PRKCH: variants seen among roughly 807,000 people sequenced by gnomAD.
PRKCH encodes protein kinase C eta type.
In PRKCH, 28 loss-of-function variants were observed where a neutral mutation model predicts 82.5. The observed-to-expected ratio is 0.34, with a 90% CI of 0.25 to 0.47. PRKCH has a LOEUF of 0.47. Ranked by LOEUF, PRKCH falls within the 20% of genes least tolerant of loss-of-function variation. PRKCH has a pLI of 1.00. For missense variants in PRKCH, 705 were observed against 881.8 expected, an observed-to-expected ratio of 0.80 and a Z score of 2.54; for synonymous variants, 322 against 327.4, an observed-to-expected ratio of 0.98 and a Z score of 0.18.
chr14:61,322,087 G>C lies in PRKCH; in HGVS notation c.-15G>C. 1 of 1,530,430 alleles carries C rather than the reference G, an allele frequency of 6.5e-7. No homozygotes were observed. 94.8% of individuals were successfully genotyped at this position (1,530,430 alleles called of 1,614,324 possible). On this transcript the variant is annotated 5_prime_UTR_variant, in exon 1 of 14. Coordinates refer to ENST00000332981, the MANE Select transcript of PRKCH (RefSeq NM_006255.5). The stretch of plus-strand genomic sequence containing the variant: ...AAGCAGCGCGGCCCCCCGGGGCCGG[G>C]GCAGCGGCGCCGGCATGTCGTCTGG...
intron 9 of PRKCH, among the ~76,000 whole-genome samples, chr14:61,472,557 A>G (rs994173855): frequency 1.3e-5 from 2 of 152,174 alleles, no homozygotes; most frequent in Admixed American, 6.5e-5. Flanking sequence ...TTTCCCATAC[A>G]TGGAAATGCC....
intron 1 of PRKCH, among the ~76,000 whole-genome samples, chr14:61,235,381 T>A (rs1361757684): frequency 6.6e-6 from 1 of 152,238 alleles, no homozygotes; most frequent in African/African-American, 2.4e-5. Context: ...TTCCCAACGG[T>A]ATGTTATCCA....
Position 61,280,519 on chromosome 14 carries a change from G to A in PRKCH, c.-19+92851G>A, listed in dbSNP as rs1437595803. On this transcript the variant is annotated intron_variant, in intron 1 of 3. Coordinates refer to the PRKCH transcript ENST00000555185. This position sits in a 1 kb window ranked among gnomAD's most constrained non-coding sequence, Gnocchi z 5.0. Reference sequence around the variant, plus strand: ...CAACGCCAGGCTGCCGTTGACCAGCGGCGGGTTGCGGAACTTGACGTGGTA... The same window carrying A: ...CAACGCCAGGCTGCCGTTGACCAGCAGCGGGTTGCGGAACTTGACGTGGTA... The A allele has an allele frequency of 3.7e-6, 6 of 1,612,710 alleles. No homozygotes were observed. The East Asian group carries it at 8.9e-5, about 24-fold the overall frequency.
chr14:61,451,131 C>A (rs915923045), intron 6 of PRKCH, among the ~76,000 whole-genome samples, 160 bp downstream of exon 6: 1 of 152,144 alleles, frequency 6.6e-6, no homozygotes, highest in African/African-American at 2.4e-5. Context: ...TCTTGTCAGG[C>A]ATGTAAAGAG....
intron 2 of PRKCH, among the ~76,000 whole-genome samples, chr14:61,426,912 T>C (rs1883135971): frequency 6.6e-6 from 1 of 152,226 alleles, no homozygotes. Flanking sequence ...GGGAAATACG[T>C]GCACTCTTTG....
chr14:61,259,618 A>G (rs2045028910), intron 1 of PRKCH, among the ~76,000 whole-genome samples: 1 of 152,208 alleles, frequency 6.6e-6, no homozygotes, highest in Non-Finnish European at 1.5e-5. Flanking sequence ...AATCTGTTGA[A>G]GCAGTCATAC....
At chr14:61,192,533 A>G (rs2044413028) in intron 1 of PRKCH, among the ~76,000 whole-genome samples, 1 of 152,196 alleles carries the variant, frequency 6.6e-6, no homozygotes, top group Non-Finnish European at 1.5e-5. Context: ...TATTATCACC[A>G]AAGTCGGTTA....
At chr14:61,494,370 A>T (rs892063186) in intron 10 of PRKCH, among the ~76,000 whole-genome samples, 1 of 152,252 alleles carries the variant, frequency 6.6e-6, no homozygotes, top group Non-Finnish European at 1.5e-5. Context: ...GTGTATTAAA[A>T]ATATAATTCC....
intron 10 of PRKCH, among the ~76,000 whole-genome samples, chr14:61,499,575 C>T (rs1886809416): frequency 1.3e-5 from 2 of 152,130 alleles, no homozygotes; most frequent in African/African-American, 4.8e-5. Flanking sequence ...CTTTCACGTA[C>T]AGAATTGCTG....
chr14:61,255,120 T>C (rs1342569286), intron 1 of PRKCH, among the ~76,000 whole-genome samples: 1 of 152,194 alleles, frequency 6.6e-6, no homozygotes, highest in Non-Finnish European at 1.5e-5. Flanking sequence ...GAACCCAGAA[T>C]AGCAAATTCA....
chr14:61,385,794 C>T (rs1440213250), intron 1 of PRKCH, among the ~76,000 whole-genome samples: 1 of 152,084 alleles, frequency 6.6e-6, no homozygotes, highest in African/African-American at 2.4e-5. Flanking sequence ...TTTTCTGTCC[C>T]CTTATATGCA....
chr14:61,480,488 G>A (rs1885924428), intron 9 of PRKCH, among the ~76,000 whole-genome samples: 1 of 152,162 alleles, frequency 6.6e-6, no homozygotes, highest in Non-Finnish European at 1.5e-5. Flanking sequence ...TTTGTAAAGG[G>A]CATTCACTAA....
chr14:61,450,854 A>G lies in PRKCH; in HGVS notation c.715A>G (p.Arg239Gly). The part of the protein sequence containing the change: ...NKVDSKIAEQ[R>G]FGINIPHKFS... The stretch of plus-strand genomic sequence containing the variant: ...TCCTTTTTTACAGATTGCAGAACAG[A>G]GGTTCGGGATCAACATCCCACACAA... Residue 239 changes from arginine (R) to glycine (G), a missense_variant, in exon 6 of 14, where the codon AGG becomes GGG. Arg to Gly is a moderately radical substitution (Grantham distance 125). Coordinates refer to ENST00000332981, the MANE Select transcript of PRKCH (RefSeq NM_006255.5). The G allele has an allele frequency of 1.2e-6, 2 of 1,613,768 alleles. No homozygotes were observed. The highest frequency in any genetic ancestry group is 1.7e-6 in the Non-Finnish European group (2 of 1,179,848).
intron 1 of PRKCH, among the ~76,000 whole-genome samples, chr14:61,329,698 C>G (rs1042819617): frequency 1.7e-4 from 26 of 152,196 alleles, no homozygotes; most frequent in African/African-American, 6.0e-4. Flanking sequence ...TGCTTCAGGT[C>G]TCATTATGGG....
intron 1 of PRKCH, among the ~76,000 whole-genome samples, chr14:61,204,643 C>T (rs1020931998): frequency 4.6e-5 from 7 of 151,626 alleles, no homozygotes; most frequent in African/African-American, 1.2e-4. Context: ...TGTCTGTGGC[C>T]GCAGCCACTC....
At chr14:61,195,421 CAT>C (rs2044433689) in intron 1 of PRKCH, among the ~76,000 whole-genome samples, 1 of 152,314 alleles carries the variant, frequency 6.6e-6, no homozygotes, top group East Asian at 1.9e-4. Context: ...AGACCTATCA[CAT>C]GTTAGGTTTT....
chr14:61,314,889 G>C (rs2045550077), intron 1 of PRKCH, among the ~76,000 whole-genome samples: 1 of 152,004 alleles, frequency 6.6e-6, no homozygotes, highest in Admixed American at 6.6e-5. Context: ...ACCCCGCCCT[G>C]ACTTTGTCTC....
chr14:61,504,258 G>A (rs962488005), intron 10 of PRKCH, among the ~76,000 whole-genome samples: 3 of 151,738 alleles, frequency 2.0e-5, no homozygotes, highest in Admixed American at 6.6e-5. Flanking sequence ...GTGCGATCTC[G>A]GCTCACTGCA....
intron 2 of PRKCH, among the ~76,000 whole-genome samples, chr14:61,396,096 A>C (rs541203210): frequency 6.6e-6 from 1 of 151,772 alleles, no homozygotes; most frequent in East Asian, 1.9e-4. Context: ...AAAAAAAAAA[A>C]AAGAAAAGAA....
Sources: allele counts gnomAD v4.1 joint callset (sites outside exome capture counted in the v4.1 genomes callset), GRCh38; gene constraint gnomAD v4.1.1; non-coding constraint Gnocchi (gnomAD v3.1); transcripts MANE v1.5; gene names NCBI Gene and HGNC (gene_info 2026-07-23, HGNC 2026-07-21).